Variants in KIFC1 observed in about 807,000 individuals in gnomAD.
KIFC1 encodes the protein kinesin family member C1.
KIFC1 carries 37 observed loss-of-function variants against 66.6 expected under a neutral mutation model. That is an observed-to-expected ratio of 0.56 (90% CI 0.43 to 0.73). The LOEUF (loss-of-function observed/expected upper bound fraction) is 0.73. KIFC1 is among the 30% of genes least tolerant of loss of function. The pLI is 0.00. For synonymous variants in KIFC1, 325 were observed against 343.5 expected, an observed-to-expected ratio of 0.95 and a Z score of 0.60; for missense variants, 721 against 859.8, an observed-to-expected ratio of 0.84 and a Z score of 2.02.
chr6:33,398,168 TGAGCTGGGCATGGA>T lies in KIFC1; in HGVS notation c.150+9_150+22del. ...GAAGATGGCCTGGAGCCTGAGAAGG[TGAGCTGGGCATGGA>T]GAGCTGTGCATGTGTGTGGGGGGTG... On this transcript the variant is annotated splice_donor_5th_base_variant and intron_variant, in intron 2 of 10. Coordinates refer to ENST00000428849, the MANE Select transcript of KIFC1 (RefSeq NM_002263.4). 1 of 1,613,978 alleles carries T rather than the reference TGAGCTGGGCATGGA, an allele frequency of 6.2e-7. No homozygotes were observed. Among genetic ancestry groups the T allele is most frequent in the South Asian group, 1.1e-5 (1 of 91,072 alleles).
rs543262022 is a variant in KIFC1 at position 33,409,125 on chromosome 6, C to T, written c.1978-521C>T. On this transcript the variant is annotated intron_variant, in intron 10 of 10. Transcript: ENST00000428849. ...AGCTTGCAGTGAGCCGAGATCGCGC[C>T]ACTGCACTCCAGCCTGGGCGACAGA... 4.6e-5 allele frequency among the ~76,000 whole-genome samples: 7 copies of T among 152,256 alleles called. No individual in the cohort carries two copies. The East Asian group carries it at 7.7e-4, about 17-fold the overall frequency.
Position 33,405,358 on chromosome 6 carries a change from G to C in KIFC1, c.1263G>C (p.Glu421Asp), listed in dbSNP as rs1296506057. The C allele has an allele frequency of 2.5e-6, 4 of 1,612,602 alleles. No homozygotes were observed. Among genetic ancestry groups the C allele is most frequent in the Non-Finnish European group, 3.4e-6 (4 of 1,178,994 alleles). ...GCAGTGGCAAGACCTTCACAATGGA[G>C]GGTGGGCCTGGGGGAGACCCCCAGT... ...QTGSGKTFTM[E>D]GGPGGDPQLE... The change falls in exon 7 of 11, where the codon GAG (glutamate) becomes GAC (aspartate). Residue 421 changes from glutamate (E) to aspartate (D), a missense_variant. Physicochemically the swap from Glu to Asp is conservative, Grantham distance 45 (BLOSUM62 2). Transcript: ENST00000428849. This position sits in a 1 kb window ranked among gnomAD's most constrained non-coding sequence, Gnocchi z 5.4.
rs1775184401 is a variant in KIFC1, at chr6:33,398,166, G to A, written c.150G>A (p.Lys50=). The A allele has an allele frequency of 1.2e-6, 2 of 1,614,216 alleles. No individual in the cohort carries two copies. The highest frequency in any genetic ancestry group is 1.7e-6 in the Non-Finnish European group (2 of 1,180,040). The change falls in exon 2 of 11, where the codon AAG becomes AAA. Residue 50 remains lysine, a splice_region_variant and synonymous_variant. Coordinates refer to ENST00000428849, the MANE Select transcript of KIFC1 (RefSeq NM_002263.4). ...TGGAAGATGGCCTGGAGCCTGAGAAGGTGAGCTGGGCATGGAGAGCTGTGC... is the reference window on the plus strand; with the variant it reads ...TGGAAGATGGCCTGGAGCCTGAGAAAGTGAGCTGGGCATGGAGAGCTGTGC... ...DQMEDGLEPE[K]KRTRGLGATT...
In KIFC1 at chr6:33,403,389, G is replaced by C; in HGVS notation, c.304+22G>C. On this transcript the variant is annotated intron_variant, in intron 4 of 10. Transcript: ENST00000428849. The surrounding 1 kb of genome is among the most constrained non-coding windows in gnomAD (Gnocchi z 4.6). ...ACAGGTAACTGTGCTCAAGAGCTGGGTCTGAGAAGGGATTTGGGGTATGTG... is the reference window on the plus strand; with the variant it reads ...ACAGGTAACTGTGCTCAAGAGCTGGCTCTGAGAAGGGATTTGGGGTATGTG... 1.2e-6 allele frequency: 2 copies of C among 1,613,732 alleles called. No homozygotes were observed. Among genetic ancestry groups the C allele is most frequent in the Non-Finnish European group, 1.7e-6 (2 of 1,179,598 alleles).
intron 1 of KIFC1, among the ~76,000 whole-genome samples, chr6:33,393,907 C>T (rs1455014237): frequency 2.0e-5 from 3 of 151,888 alleles, no homozygotes; most frequent in Admixed American, 6.6e-5. Context: ...CCACCACGCC[C>T]GGCTAATTTT....
intron 1 of KIFC1, 114 bp from the exon 2 acceptor site, chr6:33,397,915 G>C: frequency 9.1e-7 from 1 of 1,095,484 alleles, no homozygotes; most frequent in Non-Finnish European, 1.4e-6. Context: ...TTTGGCACAA[G>C]TGGTGCTCAG....
chr6:33,407,118 G>A, intron 10 of KIFC1: 1 of 1,371,098 alleles, frequency 7.3e-7, no homozygotes, highest in Non-Finnish European at 9.5e-7. Flanking sequence ...TGACTAAAAG[G>A]TCTAAACTGG....
At chr6:33,407,915 T>C (rs963791088) in intron 10 of KIFC1, among the ~76,000 whole-genome samples, 1 of 152,244 alleles carries the variant, frequency 6.6e-6, no homozygotes, top group African/African-American at 2.4e-5. Flanking sequence ...TGAGGTCTGA[T>C]CAGGTCTGTC....
At chr6:33,402,315 G>T (rs1775411216) in intron 3 of KIFC1, among the ~76,000 whole-genome samples, 1 of 152,036 alleles carries the variant, frequency 6.6e-6, no homozygotes, top group Admixed American at 6.6e-5. Flanking sequence ...AATGTTACGG[G>T]GCTACTGTTG....
At position 33,409,705 on chromosome 6, in the gene KIFC1, CTGTGTGTGTGTGTGTGTG is replaced by C. The variant is rs3066474; in HGVS notation, c.*47_*64del. 8.2e-3 allele frequency: 10,418 copies of C among 1,263,770 alleles called. 88 individuals are homozygous for C. In the East Asian group the frequency reaches 0.11, roughly 14 times the overall value. The allele number at this position is 1,263,770 out of a possible 1,614,324, so 78.3% of individuals were successfully genotyped here. A position where few individuals can be genotyped will look rare whatever the true frequency, so the allele number is the denominator to read the frequency against. On this transcript the variant is annotated 3_prime_UTR_variant, in exon 11 of 11. Transcript: ENST00000428849. The stretch of plus-strand genomic sequence containing the variant: ...ACAGGAAGTGAAGACGGATCCAGAT[CTGTGTGTGTGTGTGTGTG>C]TGTGTGTGTGTGTGTGTGTGTGTGT...
intron 1 of KIFC1, among the ~76,000 whole-genome samples, chr6:33,397,353 A>AGT (rs1284164376): frequency 7.2e-6 from 1 of 138,978 alleles, no homozygotes; most frequent in Non-Finnish European, 1.5e-5. Context: ...GTTGGAGTGC[A>AGT]GTGGCGTGAT....
intron 3 of KIFC1, among the ~76,000 whole-genome samples, chr6:33,398,851 C>G (rs1775227509): frequency 6.6e-6 from 1 of 152,164 alleles, no homozygotes; most frequent in Non-Finnish European, 1.5e-5. Flanking sequence ...CTTCCTATTT[C>G]TGTCCTCCAG....
rs1330544938 is a variant in KIFC1 at position 33,401,055 on chromosome 6, C to A, written c.251-2259C>A. 6.6e-6 allele frequency among the ~76,000 whole-genome samples: 1 copy of A among 152,172 alleles called. No homozygotes were observed. Among genetic ancestry groups the A allele is most frequent in the Non-Finnish European group, 1.5e-5 (1 of 68,016 alleles). ...CTTATTCCTCATGCTTTTTTTCTATCTAAATTTTGTTTTGGGCGGGGAGCA... is the reference window on the plus strand; with the variant it reads ...CTTATTCCTCATGCTTTTTTTCTATATAAATTTTGTTTTGGGCGGGGAGCA... On this transcript the variant is annotated intron_variant, in intron 3 of 10. Transcript: ENST00000428849. The surrounding 1 kb of genome is among the most constrained non-coding windows in gnomAD (Gnocchi z 4.5).
At position 33,405,053 on chromosome 6, in the gene KIFC1, G is replaced by A; in HGVS notation, c.958G>A (p.Val320Ile). 1 of 1,614,130 alleles carries A rather than the reference G, an allele frequency of 6.2e-7. No homozygotes were observed. The highest frequency in any genetic ancestry group is 1.1e-5 in the South Asian group (1 of 91,084). The change falls in exon 7 of 11, where the codon GTC becomes ATC. Residue 320 changes from valine to isoleucine, a missense_variant. By Grantham distance (29) the Val-to-Ile change is conservative. Transcript: ENST00000428849. This position sits in a 1 kb window ranked among gnomAD's most constrained non-coding sequence, Gnocchi z 5.4. ...NIRVFCRVRP[V>I]LPGEPTPPPG... is the part of the protein sequence containing the mutation. ...CCGTGTATTCTGCCGGGTCCGCCCT[G>A]TCCTGCCGGGGGAGCCCACTCCACC...
chr6:33,398,835 A>G (rs1775226746), intron 3 of KIFC1, among the ~76,000 whole-genome samples: 1 of 152,124 alleles, frequency 6.6e-6, no homozygotes, highest in Admixed American at 6.6e-5. Flanking sequence ...TGTATAGTGA[A>G]GTTTGCTTCC....
intron 3 of KIFC1, among the ~76,000 whole-genome samples, chr6:33,399,249 G>A (rs181927529): frequency 5.3e-5 from 8 of 152,212 alleles, no homozygotes; most frequent in South Asian, 2.1e-4. Flanking sequence ...TTAGCCAGAC[G>A]TGATGGCCCG....
chr6:33,400,681 C>T lies in KIFC1; in HGVS notation c.250+2294C>T. ...TTTTTTTTTGAGATGGAGTCTCGCT[C>T]TGTCGCCCAGGCTGGAGTGCAGTGG... On this transcript the variant is annotated intron_variant, in intron 3 of 10. Coordinates refer to ENST00000428849, the MANE Select transcript of KIFC1 (RefSeq NM_002263.4). This position sits in a 1 kb window ranked among gnomAD's most constrained non-coding sequence, Gnocchi z 4.3. 1 of 601,716 alleles carries T rather than the reference C, an allele frequency of 1.7e-6. No individual in the cohort carries two copies. Among genetic ancestry groups the T allele is most frequent in the East Asian group, 2.9e-5 (1 of 34,092 alleles). 37.3% of individuals were successfully genotyped at this position (601,716 alleles called of 1,614,324 possible). A position where few individuals can be genotyped will look rare whatever the true frequency, so the allele number is the denominator to read the frequency against.
At chr6:33,394,134 T>A (rs769078641) in intron 1 of KIFC1, among the ~76,000 whole-genome samples, 15 of 152,100 alleles carry the variant, frequency 9.9e-5, no homozygotes, top group Non-Finnish European at 1.8e-4. Context: ...TCTGACAGTG[T>A]ACAGGACTGC....
chr6:33,406,399 C>G lies in KIFC1; in HGVS notation c.1740C>G (p.Pro580=). ...TTGACCCCGGCTTAGCCCTCGGCCC[C>G]GGGGAGCGGGAACGCCTTCGGGAAA... ...ERLDPGLALG[P]GERERLRETQ... is the part of the protein sequence containing the mutation. Residue 580 remains proline, a synonymous_variant, in exon 8 of 11, where the codon CCC becomes CCG. Coordinates refer to ENST00000428849, the MANE Select transcript of KIFC1 (RefSeq NM_002263.4). The surrounding 1 kb of genome is among the most constrained non-coding windows in gnomAD (Gnocchi z 4.5). 1 of 1,610,700 alleles carries G rather than the reference C, an allele frequency of 6.2e-7. No individual in the cohort carries two copies. The highest frequency in any genetic ancestry group is 1.7e-4 in the Middle Eastern group (1 of 6,040).
Sources: gnomAD v4.1 joint callset for allele counts (sites outside exome capture counted in the v4.1 genomes callset) on GRCh38, gnomAD v4.1.1 for gene constraint, Gnocchi (gnomAD v3.1) non-coding constraint, MANE v1.5 for transcripts, NCBI Gene and HGNC (gene_info 2026-07-23, HGNC 2026-07-21) for gene names.